Variants in RABGAP1L observed in about 807,000 individuals in gnomAD.
RABGAP1L encodes RAB GTPase activating protein 1 like.
RABGAP1L carries 63 observed loss-of-function variants against 137.7 expected under a neutral mutation model. The observed-to-expected ratio is 0.46, with a 90% CI of 0.37 to 0.56. RABGAP1L has a LOEUF of 0.56. Ranked by LOEUF, RABGAP1L falls within the 20% of genes least tolerant of loss-of-function variation. The pLI, the probability that RABGAP1L is intolerant of heterozygous loss-of-function variation, is 0.00. For synonymous variants in RABGAP1L, 431 were observed against 433.7 expected (o/e 0.99, Z 0.08); for missense variants, 1,095 against 1,244.0 (o/e 0.88, Z 1.80).
At chr1:174,929,588 T>A (rs1274105217) in intron 19 of RABGAP1L, among the ~76,000 whole-genome samples, 1 of 151,450 alleles carries the variant, frequency 6.6e-6, no homozygotes, top group Non-Finnish European at 1.5e-5. Flanking sequence ...GAAGCAAATT[T>A]TAAAAATCAG....
At chr1:174,379,005 G>A (rs1245819153) in intron 12 of RABGAP1L, among the ~76,000 whole-genome samples, 17 of 131,484 alleles carry the variant, frequency 1.3e-4, no homozygotes, top group Non-Finnish European at 4.7e-5. Flanking sequence ...TTCTACATAT[G>A]GCTAGCGAGT....
chr1:174,448,926 G>T lies in RABGAP1L; in HGVS notation c.1710+54781G>T. ...GCCATGGTTTTGTTTAGGATAACCA[G>T]TGTATTTTATATGCTGTGGCTCCCC... On this transcript the variant is annotated intron_variant, in intron 13 of 25. Transcript: ENST00000681986. The surrounding 1 kb of genome is among the most constrained non-coding windows in gnomAD (Gnocchi z 4.2). The T allele has an allele frequency of 6.2e-7, 1 of 1,613,964 alleles. No individual in the cohort carries two copies. The highest frequency in any genetic ancestry group is 8.5e-7 in the Non-Finnish European group (1 of 1,179,814).
intron 15 of RABGAP1L, 54 bp from the exon 16 acceptor site, chr1:174,699,471 C>G: frequency 2.0e-6 from 3 of 1,537,676 alleles, no homozygotes; most frequent in Non-Finnish European, 2.6e-6. Flanking sequence ...ACTTTTTTGA[C>G]ATTCTGGCAA....
intron 11 of RABGAP1L, among the ~76,000 whole-genome samples, chr1:174,356,032 G>A (rs1256721467): frequency 2.0e-5 from 3 of 152,272 alleles, no homozygotes; most frequent in South Asian, 4.2e-4. Context: ...AGAAACGAGA[G>A]ATTATATTGC....
At chr1:174,578,646 A>G (rs1034902938) in intron 13 of RABGAP1L, among the ~76,000 whole-genome samples, 4 of 152,220 alleles carry the variant, frequency 2.6e-5, no homozygotes, top group African/African-American at 9.6e-5. Context: ...AACAAAATAT[A>G]AATAAACTGA....
chr1:174,833,861 A>G (rs1692444822), intron 19 of RABGAP1L, among the ~76,000 whole-genome samples: 1 of 152,132 alleles, frequency 6.6e-6, no homozygotes, highest in Non-Finnish European at 1.5e-5. Flanking sequence ...GTAGGAAGCT[A>G]ACTTAGATTG....
chr1:174,193,806 G>C (rs563285978), intron 1 of RABGAP1L, among the ~76,000 whole-genome samples: 6 of 152,188 alleles, frequency 3.9e-5, no homozygotes, highest in African/African-American at 1.4e-4. Context: ...TGAAATAGGA[G>C]CTTTTAAAAT....
At position 174,448,349 on chromosome 1, in the gene RABGAP1L, A is replaced by G; in HGVS notation, c.1710+54204A>G. The G allele has an allele frequency of 6.2e-7, 1 of 1,614,018 alleles. No individual in the cohort carries two copies. Among genetic ancestry groups the G allele is most frequent in the Non-Finnish European group, 8.5e-7 (1 of 1,179,882 alleles). On this transcript the variant is annotated intron_variant, in intron 13 of 25. Transcript: ENST00000681986. The surrounding 1 kb of genome is among the most constrained non-coding windows in gnomAD (Gnocchi z 4.2). ...ACATCATTATACTACCAGCTATTTCATTCAGACGATGGCATATGCTGATCT... is the reference window on the plus strand; with the variant it reads ...ACATCATTATACTACCAGCTATTTCGTTCAGACGATGGCATATGCTGATCT...
intron 19 of RABGAP1L, among the ~76,000 whole-genome samples, chr1:174,848,762 C>T (rs1229784121): frequency 5.4e-5 from 8 of 148,806 alleles, no homozygotes; most frequent in South Asian, 2.1e-4. Flanking sequence ...CCACCCAGTT[C>T]GAGCTTCCCG....
At chr1:174,290,358 T>G (rs1402976684) in intron 10 of RABGAP1L, among the ~76,000 whole-genome samples, 1 of 152,242 alleles carries the variant, frequency 6.6e-6, no homozygotes, top group Non-Finnish European at 1.5e-5. Flanking sequence ...AAGCTAGATG[T>G]TCACCTTGTG....
intron 19 of RABGAP1L, among the ~76,000 whole-genome samples, chr1:174,925,870 G>GTTTTTGTTTTTTTTTTGTTTTTTTTTTT (rs1662712906): frequency 2.1e-5 from 1 of 47,132 alleles, no homozygotes; most frequent in Non-Finnish European, 4.7e-5. Flanking sequence ...TTTTTTTTTT[G>GTTTTTGTTTTTTTTTTGTTTTTTTTTTT]TTTTTGTTTT....
At position 174,900,722 on chromosome 1, in the gene RABGAP1L, G is replaced by T. The variant is rs185240904; in HGVS notation, c.2341-56735G>T. On this transcript the variant is annotated intron_variant, in intron 19 of 25. Coordinates refer to ENST00000681986, the MANE Select transcript of RABGAP1L (RefSeq NM_001366446.1). The stretch of plus-strand genomic sequence containing the variant: ...TTTAGTAGAGACAGGGTTTCACCAT[G>T]TTGGCCAGGCTAGTCTTGTACTCCT... 2.5e-3 allele frequency among the ~76,000 whole-genome samples: 383 copies of T among 152,258 alleles called. 1 individual carries two copies. Among genetic ancestry groups the T allele is most frequent in the Non-Finnish European group, 4.7e-3 (323 of 68,018 alleles).
intron 13 of RABGAP1L, among the ~76,000 whole-genome samples, chr1:174,587,307 G>T (rs1180080896): frequency 9.8e-6 from 1 of 101,598 alleles, no homozygotes; most frequent in African/African-American, 3.8e-5. Flanking sequence ...GTGGGGGGAG[G>T]GGGGAGGGAT....
At chr1:174,604,617 A>G (rs966065653) in intron 13 of RABGAP1L, among the ~76,000 whole-genome samples, 2 of 152,164 alleles carry the variant, frequency 1.3e-5, no homozygotes, top group African/African-American at 4.8e-5. Context: ...CTATTCAGCC[A>G]TCTTGCTCCA....
At chr1:174,787,922 C>A (rs534994733) in intron 18 of RABGAP1L, among the ~76,000 whole-genome samples, 1 of 152,104 alleles carries the variant, frequency 6.6e-6, no homozygotes, top group Non-Finnish European at 1.5e-5. Flanking sequence ...TGTGAGACAA[C>A]GAATAGTGAG....
intron 19 of RABGAP1L, among the ~76,000 whole-genome samples, chr1:174,935,838 G>A (rs1208610742): frequency 3.9e-5 from 6 of 151,922 alleles, no homozygotes; most frequent in Non-Finnish European, 5.9e-5. Flanking sequence ...AAAATTAGCT[G>A]AGCGTGGTGG....
chr1:174,901,331 G>T (rs1444001015), intron 19 of RABGAP1L, among the ~76,000 whole-genome samples: 4 of 152,134 alleles, frequency 2.6e-5, no homozygotes, highest in African/African-American at 9.7e-5. Flanking sequence ...CAGAATGGCT[G>T]GGGAGGCCTC....
intron 10 of RABGAP1L, among the ~76,000 whole-genome samples, chr1:174,296,124 GA>G (rs1677108965): frequency 6.6e-6 from 1 of 152,150 alleles, no homozygotes; most frequent in African/African-American, 2.4e-5. Flanking sequence ...GGCAAGAGAG[GA>G]AATAGTTTCC....
intron 13 of RABGAP1L, among the ~76,000 whole-genome samples, chr1:174,412,345 G>A (rs1558212051): frequency 6.6e-6 from 1 of 151,998 alleles, no homozygotes; most frequent in Non-Finnish European, 1.5e-5. Context: ...TTTATATTGA[G>A]GCTTTGGGTG....
Sources: allele counts gnomAD v4.1 joint callset (sites outside exome capture counted in the v4.1 genomes callset), GRCh38; gene constraint gnomAD v4.1.1; non-coding constraint Gnocchi (gnomAD v3.1); transcripts MANE v1.5; gene names NCBI Gene and HGNC (gene_info 2026-07-23, HGNC 2026-07-21).